Variants in PCLO observed in about 807,000 individuals in gnomAD.
PCLO encodes the protein protein piccolo.
Under a neutral mutation model 427.5 loss-of-function variants are expected in PCLO, and 82 were observed. The ratio of observed to expected loss-of-function variants is 0.19; its 90% confidence interval spans 0.16 to 0.23. PCLO has a LOEUF of 0.23. Ranked by LOEUF, PCLO falls within the 10% of genes least tolerant of loss-of-function variation. The pLI is 1.00. For synonymous variants in PCLO, 2,357 were observed against 2,155.4 expected (o/e 1.09, Z -2.59); for missense variants, 6,239 against 6,115.9 (o/e 1.02, Z -0.67).
chr7:82,972,019 A>G (rs771298075), intron 3 of PCLO, among the ~76,000 whole-genome samples: 19 of 151,852 alleles, frequency 1.3e-4, no homozygotes, highest in Non-Finnish European at 2.5e-4. Flanking sequence ...CCTCCAAATT[A>G]TGAGACCAAT....
At chr7:82,857,864 T>G (rs148971612) in intron 10 of PCLO, among the ~76,000 whole-genome samples, 1 of 152,254 alleles carries the variant, frequency 6.6e-6, no homozygotes, top group African/African-American at 2.4e-5. Flanking sequence ...ATATTAAAAG[T>G]ATGCTTCACA....
chr7:83,038,122 CACACACACAT>C lies in PCLO; in HGVS notation c.3301-71645_3301-71636del, dbSNP rs756423940. Among the ~76,000 whole-genome samples the C allele has an allele frequency of 2.3e-3, 219 of 93,516 alleles. 4 individuals carry two copies. The East Asian group carries it at 0.04, about 17-fold the overall frequency. 61.4% of individuals were successfully genotyped at this position (93,516 alleles called of 152,430 possible). ...ATATTTATATATGTATATATATGCA[CACACACACAT>C]ACACACACTCATATATACACATACA... On this transcript the variant is annotated intron_variant, in intron 3 of 24. Transcript: ENST00000333891.
chr7:83,032,121 C>T (rs1366559773), intron 3 of PCLO, among the ~76,000 whole-genome samples: 1 of 152,138 alleles, frequency 6.6e-6, no homozygotes, highest in Non-Finnish European at 1.5e-5. Flanking sequence ...TGTAACTTCT[C>T]AGCCCATGTC....
In PCLO at chr7:82,950,494, A is replaced by G. The variant is rs374138327; in HGVS notation, c.10094T>C (p.Ile3365Thr). ...CCATCCTTGGCTTTGTGGTATTTCA[A>G]TTGCCACAACAGCTGAAGCTGTGGT... Reference protein sequence around the residue: ...ATTTASAVVAIEIPQSQGWYT... With the variant: ...ATTTASAVVATEIPQSQGWYT... Residue 3365 changes from isoleucine (I) to threonine (T), a missense_variant, in exon 6 of 25, where the codon ATT (isoleucine) becomes ACT (threonine). Physicochemically the swap from Ile to Thr is moderately conservative, Grantham distance 89. Around this residue, in one of 5 missense-constraint regions of PCLO, gnomAD observed 4,677 missense variants for 4,468.4 expected, o/e 1.05. Coordinates refer to ENST00000333891, the MANE Select transcript of PCLO (RefSeq NM_033026.6). 3 of 1,613,756 alleles carry G rather than the reference A, an allele frequency of 1.9e-6. No homozygotes were observed. The highest frequency in any genetic ancestry group is 2.5e-6 in the Non-Finnish European group (3 of 1,179,836).
chr7:82,833,767 A>T (rs2115729499), intron 16 of PCLO, among the ~76,000 whole-genome samples: 1 of 152,278 alleles, frequency 6.6e-6, no homozygotes, highest in East Asian at 1.9e-4. Context: ...TAATAATAAC[A>T]ACTACTATTG....
In PCLO at chr7:82,956,783, C is replaced by T. The variant is rs1795534944; in HGVS notation, c.4170G>A (p.Lys1390=). ...GTGAAAAAGAGTCCTTTTTGAGTCCCTTGAGAATATCCTTTTCATCAGTTG... is the reference window on the plus strand; with the variant it reads ...GTGAAAAAGAGTCCTTTTTGAGTCCTTTGAGAATATCCTTTTCATCAGTTG... The part of the protein sequence containing the change: ...LIPTDEKDIL[K]GLKKDSFSQE... The change falls in exon 5 of 25, where the codon AAG becomes AAA. Residue 1390 remains lysine (K), a synonymous_variant. Transcript: ENST00000333891. The T allele has an allele frequency of 6.2e-7, 1 of 1,613,800 alleles. No homozygotes were observed. The highest frequency in any genetic ancestry group is 8.5e-7 in the Non-Finnish European group (1 of 1,179,774).
chr7:83,150,216 A>G (rs541201781), intron 2 of PCLO, among the ~76,000 whole-genome samples: 4 of 152,338 alleles, frequency 2.6e-5, no homozygotes, highest in Admixed American at 2.6e-4. Context: ...CAACGAAAAC[A>G]ATATACTTCT....
At chr7:82,828,073 C>T in intron 16 of PCLO, 107 bp from the exon 17 acceptor site, 1 of 683,402 alleles carries the variant, frequency 1.5e-6, no homozygotes. Context: ...TATTTCAAAT[C>T]ACTATATAAT....
chr7:82,755,405 C>T lies in PCLO; in HGVS notation c.*3170G>A, dbSNP rs1252473334. 2 of 152,100 alleles carry T rather than the reference C, an allele frequency of 1.3e-5. No individual in the cohort carries two copies. Among genetic ancestry groups the T allele is most frequent in the African/African-American group, 4.8e-5 (2 of 41,424 alleles). The allele number at this position is 152,100 out of a possible 1,614,324, so 9.4% of individuals were successfully genotyped here. ...GTAAAAACAGAGAAAACACCAACTT[C>T]GTGCTACTAGGGTTATTTGTGTCTG... On this transcript the variant is annotated 3_prime_UTR_variant, in exon 25 of 25. Coordinates refer to ENST00000333891, the MANE Select transcript of PCLO (RefSeq NM_033026.6).
chr7:82,960,066 G>A (rs988097101), intron 4 of PCLO, among the ~76,000 whole-genome samples: 47 of 152,198 alleles, frequency 3.1e-4, no homozygotes, highest in Admixed American at 9.8e-4. Context: ...CCATATTGAA[G>A]GCAAACAGAA....
At chr7:83,039,235 A>AT (rs1355020116) in intron 3 of PCLO, among the ~76,000 whole-genome samples, 1 of 151,880 alleles carries the variant, frequency 6.6e-6, no homozygotes, top group Non-Finnish European at 1.5e-5. Flanking sequence ...AGTCTAATTC[A>AT]TTTTTTCTTT....
chr7:82,755,318 G>GCCCTTTATTT lies in PCLO; in HGVS notation c.*3256_*3257insAAATAAAGGG, dbSNP rs1334219565. On this transcript the variant is annotated 3_prime_UTR_variant, in exon 25 of 25. Coordinates refer to ENST00000333891, the MANE Select transcript of PCLO (RefSeq NM_033026.6). ...AAGATAACTGATGCCCCTTAGTCTT[G>GCCCTTTATTT]ATATTTTAAACTGAAATATAAATAA... The GCCCTTTATTT allele has an allele frequency of 6.6e-6, 1 of 151,962 alleles. No homozygotes were observed. Among genetic ancestry groups the GCCCTTTATTT allele is most frequent in the Admixed American group, 6.6e-5 (1 of 15,230 alleles). 9.4% of individuals were successfully genotyped at this position (151,962 alleles called of 1,614,324 possible). A position where few individuals can be genotyped will look rare whatever the true frequency, so the allele number is the denominator to read the frequency against.
intron 6 of PCLO, among the ~76,000 whole-genome samples, chr7:82,946,034 G>C (rs1413031057): frequency 1.3e-5 from 2 of 152,218 alleles, no homozygotes; most frequent in Non-Finnish European, 2.9e-5. Flanking sequence ...TCGGGGACTT[G>C]TCTTATCTGT....
chr7:83,093,593 T>C (rs1020031672), intron 3 of PCLO, among the ~76,000 whole-genome samples: 59 of 146,948 alleles, frequency 4.0e-4, no homozygotes, highest in African/African-American at 1.0e-3. Flanking sequence ...CCCGGGTTCA[T>C]GCCATTCTCC....
rs13309409 is a variant in PCLO, at chr7:83,096,822, T to C, written c.3300+37428A>G. Among the ~76,000 whole-genome samples the C allele has an allele frequency of 9.2e-4, 70 of 75,982 alleles. 7 individuals carry two copies. The highest frequency in any genetic ancestry group is 4.4e-3 in the African/African-American group (68 of 15,446). The allele number at this position is 75,982 out of a possible 152,430, so 49.8% of individuals were successfully genotyped here. A position where few individuals can be genotyped will look rare whatever the true frequency, so the allele number is the denominator to read the frequency against. ...ATATATTAATATTATATAATATAAA[T>C]ATATAAAAATATATTATATAATATA... On this transcript the variant is annotated intron_variant, in intron 3 of 24. Coordinates refer to ENST00000333891, the MANE Select transcript of PCLO (RefSeq NM_033026.6).
chr7:83,162,860 C>T lies in PCLO; in HGVS notation c.-268G>A, dbSNP rs1792485632. On this transcript the variant is annotated 5_prime_UTR_variant, in exon 1 of 25. Coordinates refer to ENST00000333891, the MANE Select transcript of PCLO (RefSeq NM_033026.6). ...ACACCTCCCGGACGCCGCCTCGGCG[C>T]CCCGAGCCGGGGAGAAGCAGATCTG... 2.0e-6 allele frequency: 1 copy of T among 504,168 alleles called. No homozygotes were observed. The highest frequency in any genetic ancestry group is 3.5e-6 in the Non-Finnish European group (1 of 288,454). 31.2% of individuals were successfully genotyped at this position (504,168 alleles called of 1,614,324 possible).
intron 2 of PCLO, among the ~76,000 whole-genome samples, chr7:83,139,282 C>A (rs1791806900): frequency 6.6e-6 from 1 of 151,982 alleles, no homozygotes; most frequent in African/African-American, 2.4e-5. Context: ...TGTGGTGATT[C>A]TTTACTTTGC....
chr7:83,050,275 A>T (rs201569647), intron 3 of PCLO, among the ~76,000 whole-genome samples: 33,112 of 80,044 alleles, frequency 0.41, 5,663 homozygotes, highest in East Asian at 0.49. Flanking sequence ...GCTTTTTAAA[A>T]AAAAAAAAAA....
chr7:83,076,624 CTT>C (rs11332065), intron 3 of PCLO, among the ~76,000 whole-genome samples: 279 of 129,780 alleles, frequency 2.1e-3, no homozygotes, highest in African/African-American at 4.3e-3. Flanking sequence ...TGTTATTTTC[CTT>C]TTTTTTTTTT....
Sources: gnomAD v4.1 joint callset for allele counts (sites outside exome capture counted in the v4.1 genomes callset) on GRCh38, gnomAD v4.1.1 for gene constraint, gnomAD v4.1.1 regional missense constraint, MANE v1.5 for transcripts, NCBI Gene and HGNC (gene_info 2026-07-23, HGNC 2026-07-21) for gene names.